The following ZC3HAV1 variants were observed in gnomAD, a reference collection of about 807,000 sequenced individuals.
The protein encoded by ZC3HAV1 is zinc finger CCCH-type containing, antiviral 1.
A neutral mutation model predicts 86.6 loss-of-function variants in ZC3HAV1; 41 were observed. The observed-to-expected ratio is 0.47, with a 90% CI of 0.37 to 0.61. The LOEUF (loss-of-function observed/expected upper bound fraction) is 0.61, where lower values mean the gene tolerates loss of function less well. Ranked by LOEUF, ZC3HAV1 falls within the 20% of genes least tolerant of loss-of-function variation. ZC3HAV1 has a pLI of 0.00. For missense variants in ZC3HAV1, 964 were observed against 1,141.1 expected (o/e 0.84, Z 2.24); for synonymous variants, 421 against 432.1 (o/e 0.97, Z 0.32).
chr7:139,097,426 A>ATT (rs1177588546), intron 1 of ZC3HAV1, among the ~76,000 whole-genome samples: 30 of 75,250 alleles, frequency 4.0e-4, no homozygotes, highest in African/African-American at 1.6e-3. Context: ...ATATATATAT[A>ATT]TATTTTTTTT....
chr7:139,052,120 C>CT (rs202009952), intron 12 of ZC3HAV1, among the ~76,000 whole-genome samples: 13,381 of 149,716 alleles, frequency 0.089, 1,198 homozygotes, highest in African/African-American at 0.24. Flanking sequence ...CTCTTTTTTT[C>CT]TTTTTTTTTC....
At chr7:139,094,264 C>T (rs1563139405) in intron 1 of ZC3HAV1, among the ~76,000 whole-genome samples, 1 of 152,014 alleles carries the variant, frequency 6.6e-6, no homozygotes, top group Non-Finnish European at 1.5e-5. Context: ...TCTGGTTTTA[C>T]GAACATACTT....
chr7:139,080,315 C>G, intron 3 of ZC3HAV1, 72 bp from the exon 4 acceptor site: 1 of 1,555,046 alleles, frequency 6.4e-7, no homozygotes, highest in Non-Finnish European at 8.8e-7. Context: ...TTCCTACCAC[C>G]CTTCCTCCTC....
chr7:139,101,015 G>A (rs961677209), intron 1 of ZC3HAV1, among the ~76,000 whole-genome samples: 17 of 152,202 alleles, frequency 1.1e-4, no homozygotes, highest in Admixed American at 2.0e-4. Context: ...ACTGGTTTTC[G>A]TATTTTTTTG....
chr7:139,089,688 G>A lies in ZC3HAV1; in HGVS notation c.380C>T (p.Ser127Phe), dbSNP rs142788152. Residue 127 changes from serine (S) to phenylalanine (F), a missense_variant, in exon 2 of 13, where the codon TCT (serine) becomes TTT (phenylalanine). Physicochemically the swap from Ser to Phe is radical, Grantham distance 155 (BLOSUM62 -2). Transcript: ENST00000242351. ...NFKVLKNHEL[S>F]GLNKEELAVL... Reference sequence around the variant, plus strand: ...TGCTAATTCCTCTTTGTTCAGTCCAGAGAGTTCGTGATTTTTCAGGACTTT... The same window carrying A: ...TGCTAATTCCTCTTTGTTCAGTCCAAAGAGTTCGTGATTTTTCAGGACTTT... 111 of 1,613,072 alleles carry A rather than the reference G, an allele frequency of 6.9e-5. No homozygotes were observed. The highest frequency in any genetic ancestry group is 8.8e-5 in the Non-Finnish European group (104 of 1,179,662).
rs1306603396 is a variant in ZC3HAV1, at chr7:139,108,489, T to C, written c.308+535A>G. 6.6e-6 allele frequency among the ~76,000 whole-genome samples: 1 copy of C among 151,714 alleles called. No homozygotes were observed. Among genetic ancestry groups the C allele is most frequent in the Non-Finnish European group, 1.5e-5 (1 of 67,966 alleles). ...GCGCCAGGCATCAGAAAAGCGGTGA[T>C]GAGGGGCATGGGGGTGACCGGGAAG... On this transcript the variant is annotated intron_variant, in intron 1 of 12. Transcript: ENST00000242351. This position sits in a 1 kb window ranked among gnomAD's most constrained non-coding sequence, Gnocchi z 4.2.
chr7:139,049,768 C>G (rs1390251296), intron 12 of ZC3HAV1: 2 of 152,838 alleles, frequency 1.3e-5, no homozygotes, highest in East Asian at 3.8e-4. Context: ...TCACAAACTG[C>G]GTGCCCAGCC....
At chr7:139,075,275 C>T (rs1391149196) in intron 6 of ZC3HAV1, among the ~76,000 whole-genome samples, 3 of 152,090 alleles carry the variant, frequency 2.0e-5, no homozygotes, top group African/African-American at 4.8e-5. Context: ...AATCTCCACC[C>T]TCAAATCACT....
rs367919128 is a variant in ZC3HAV1, at chr7:139,047,328, C to CAAAA, written c.*262_*265dup. The CAAAA allele has an allele frequency of 7.6e-5, 20 of 261,984 alleles. No individual in the cohort carries two copies. The highest frequency in any genetic ancestry group is 1.6e-4 in the Admixed American group (2 of 12,200). 16.2% of individuals were successfully genotyped at this position (261,984 alleles called of 1,614,324 possible). A position where few individuals can be genotyped will look rare whatever the true frequency, so the allele number is the denominator to read the frequency against. Reference sequence around the variant, plus strand: ...TGGACGATGGAGTGAGATTCAGTCTCAAAAAAAAAAAAAAAAAAAAAAATA... The same window carrying CAAAA: ...TGGACGATGGAGTGAGATTCAGTCTCAAAAAAAAAAAAAAAAAAAAAAAAAAATA... On this transcript the variant is annotated 3_prime_UTR_variant, in exon 13 of 13. Transcript: ENST00000242351.
rs1817087177 is a variant in ZC3HAV1, at chr7:139,080,167, T to A, written c.774A>T (p.Gln258His). The A allele has an allele frequency of 6.2e-7, 1 of 1,614,098 alleles. No individual in the cohort carries two copies. The highest frequency in any genetic ancestry group is 1.3e-5 in the African/African-American group (1 of 74,934). Residue 258 changes from glutamine (Q) to histidine (H), a missense_variant, in exon 4 of 13, where the codon CAA becomes CAT. Physicochemically the swap from Gln to His is conservative, Grantham distance 24. Coordinates refer to ENST00000242351, the MANE Select transcript of ZC3HAV1 (RefSeq NM_020119.4). The part of the protein sequence containing the change: ...KSRDRFFQGS[Q>H]EFLASASASA... ...ACGCTGAAGCAGACGCAAGAAATTC[T>A]TGGCTGCCCTGAAAGAACCGATCTC...
intron 1 of ZC3HAV1, among the ~76,000 whole-genome samples, chr7:139,093,387 A>G (rs1385519517): frequency 6.6e-6 from 1 of 151,996 alleles, no homozygotes; most frequent in African/African-American, 2.4e-5. Flanking sequence ...GTAGGAACAC[A>G]TTATGTGATA....
At chr7:139,084,611 G>A (rs933648163) in intron 2 of ZC3HAV1, among the ~76,000 whole-genome samples, 1 of 152,194 alleles carries the variant, frequency 6.6e-6, no homozygotes, top group Admixed American at 6.5e-5. Context: ...GAGGATGCTG[G>A]TTTTAAAATC....
chr7:139,072,376 G>A (rs1323682155), intron 7 of ZC3HAV1, among the ~76,000 whole-genome samples: 1 of 152,046 alleles, frequency 6.6e-6, no homozygotes, highest in Non-Finnish European at 1.5e-5. Flanking sequence ...AGTAGAGACA[G>A]GGTTTCACCA....
At chr7:139,086,450 C>T (rs1235813008) in intron 2 of ZC3HAV1, among the ~76,000 whole-genome samples, 1 of 151,188 alleles carries the variant, frequency 6.6e-6, no homozygotes, top group Non-Finnish European at 1.5e-5. Flanking sequence ...GAAAGGGAGC[C>T]TTGGGTGATG....
chr7:139,068,690 A>C (rs1305491183), intron 7 of ZC3HAV1, among the ~76,000 whole-genome samples: 2 of 152,214 alleles, frequency 1.3e-5, no homozygotes, highest in African/African-American at 4.8e-5. Context: ...ACAGCCTAGC[A>C]TGGCTCCACA....
At chr7:139,062,593 T>C (rs1000523272) in intron 8 of ZC3HAV1, among the ~76,000 whole-genome samples, 10 of 152,232 alleles carry the variant, frequency 6.6e-5, no homozygotes, top group Non-Finnish European at 1.3e-4. Flanking sequence ...ACTTGACCAT[T>C]GTCTCTCACC....
intron 1 of ZC3HAV1, among the ~76,000 whole-genome samples, chr7:139,091,413 A>G (rs1161541107): frequency 6.6e-6 from 1 of 152,032 alleles, no homozygotes; most frequent in Non-Finnish European, 1.5e-5. Context: ...GCTTGCAGTG[A>G]GCCGAGATCG....
At chr7:139,074,377 C>T (rs1319027334) in intron 6 of ZC3HAV1, among the ~76,000 whole-genome samples, 1 of 152,202 alleles carries the variant, frequency 6.6e-6, no homozygotes, top group East Asian at 1.9e-4. Context: ...TTATTTAAAT[C>T]GTTATCAAAA....
intron 1 of ZC3HAV1, among the ~76,000 whole-genome samples, chr7:139,096,017 G>T (rs1299907596): frequency 2.6e-5 from 4 of 151,202 alleles, no homozygotes; most frequent in East Asian, 1.9e-4. Context: ...GTTTTTTTTT[G>T]TTTGTTTGTT....
Sources: gnomAD v4.1 joint callset for allele counts (sites outside exome capture counted in the v4.1 genomes callset) on GRCh38, gnomAD v4.1.1 for gene constraint, Gnocchi (gnomAD v3.1) non-coding constraint, MANE v1.5 for transcripts, NCBI Gene and HGNC (gene_info 2026-07-23, HGNC 2026-07-21) for gene names.